The following SGK1 variants were observed in gnomAD, a reference collection of about 807,000 sequenced individuals.
SGK1 encodes serine/threonine-protein kinase Sgk1.
SGK1 carries 26 observed loss-of-function variants against 64.2 expected under a neutral mutation model. That is an observed-to-expected ratio of 0.40 (90% CI 0.30 to 0.56). SGK1 has a LOEUF of 0.56. Among genes scored for constraint, SGK1 ranks in the 20% least tolerant of loss-of-function variants. The pLI is 0.38. For synonymous variants in SGK1, 265 were observed against 239.7 expected (o/e 1.11, Z -0.98); for missense variants, 519 against 645.6 (o/e 0.80, Z 2.12).
chr6:134,173,818 G>A (rs1775117388), intron 5 of SGK1, 187 bp downstream of exon 5: 1 of 583,526 alleles, frequency 1.7e-6, no homozygotes, highest in South Asian at 2.4e-5. Flanking sequence ...GGTAAAATAT[G>A]CCCAGGAAAA....
chr6:134,210,160 A>G (rs1775864920), intron 2 of SGK1, among the ~76,000 whole-genome samples: 3 of 152,338 alleles, frequency 2.0e-5, no homozygotes, highest in South Asian at 2.1e-4. Context: ...AGCAACCTAA[A>G]TGTCTACTGA....
intron 4 of SGK1, 112 bp downstream of exon 4, chr6:134,174,399 A>AT (rs1452726487): frequency 1.4e-6 from 1 of 713,270 alleles, no homozygotes; most frequent in Admixed American, 2.7e-5. Flanking sequence ...GAGAAATGAG[A>AT]TCCCCACCCC....
chr6:134,264,281 G>A (rs924141293), intron 1 of SGK1, among the ~76,000 whole-genome samples: 2 of 151,830 alleles, frequency 1.3e-5, no homozygotes, highest in Non-Finnish European at 2.9e-5. Flanking sequence ...CACCATGCCT[G>A]GCTAATTTTT....
chr6:134,214,756 G>C (rs564247387), intron 2 of SGK1, among the ~76,000 whole-genome samples: 1 of 152,238 alleles, frequency 6.6e-6, no homozygotes, highest in South Asian at 2.1e-4. Context: ...GTGGACCTTG[G>C]CTTCACTTGT....
At chr6:134,269,654 T>A (rs1776909975) in intron 1 of SGK1, among the ~76,000 whole-genome samples, 1 of 141,140 alleles carries the variant, frequency 7.1e-6, no homozygotes, top group African/African-American at 2.5e-5. Context: ...TGAGACTCTG[T>A]CTCAAAAAAA....
In SGK1 at chr6:134,262,099, C is replaced by T; in HGVS notation, c.119G>A (p.Ser40Asn). The T allele has an allele frequency of 1.9e-6, 3 of 1,611,894 alleles. No individual in the cohort carries two copies. The highest frequency in any genetic ancestry group is 2.5e-6 in the Non-Finnish European group (3 of 1,178,184). ...SPMVSVDKHQ[S>N]PSLKYTGSSM... ...GGAGCCGGTGTACTTCAGGCTGGGA[C>T]TCTGATGCTTGTCCACACTGACCAT... Residue 40 changes from serine (S) to asparagine (N), a missense_variant, in exon 2 of 14, where the codon AGT (serine) becomes AAT (asparagine). Ser to Asn is a conservative substitution (Grantham distance 46, BLOSUM62 1). Coordinates refer to ENST00000367858, the MANE Select transcript of SGK1 (RefSeq NM_001143676.3).
At chr6:134,253,152 A>G (rs1039071438) in intron 2 of SGK1, among the ~76,000 whole-genome samples, 1 of 152,220 alleles carries the variant, frequency 6.6e-6, no homozygotes, top group Admixed American at 6.5e-5. Flanking sequence ...AGCCTAACAG[A>G]TGGAGTAAGA....
intron 2 of SGK1, among the ~76,000 whole-genome samples, chr6:134,214,592 AAT>A (rs1260561571): frequency 5.3e-5 from 6 of 112,892 alleles, no homozygotes; most frequent in Admixed American, 9.4e-5. Flanking sequence ...AAAAAAAAAA[AAT>A]TAATGAAAGT....
At chr6:134,174,469 TCA>T in intron 4 of SGK1, 40 bp downstream of exon 4, 1 of 1,476,294 alleles carries the variant, frequency 6.8e-7, no homozygotes, top group Non-Finnish European at 9.4e-7. Context: ...GCTGGCAAAT[TCA>T]AACTATACTA....
At chr6:134,213,624 AAATAAATAAATAAATAAAT>A (rs1455934845) in intron 2 of SGK1, among the ~76,000 whole-genome samples, 7,899 of 135,526 alleles carry the variant, frequency 0.058, 419 homozygotes, top group Non-Finnish European at 0.078. Flanking sequence ...CAAAATAAAT[AAATAAATAAATAAATAAAT>A]AATAAATAAA....
chr6:134,262,066 A>C lies in SGK1; in HGVS notation c.152T>G (p.Val51Gly), dbSNP rs1475087130. The change falls in exon 2 of 14, where the codon GTG becomes GGG. Residue 51 changes from valine (V) to glycine (G), a missense_variant. By Grantham distance (109) the Val-to-Gly change is moderately radical. Around this residue, in one of 2 missense-constraint regions of SGK1, gnomAD observed 241 missense variants for 236.9 expected, o/e 1.02. Coordinates refer to ENST00000367858, the MANE Select transcript of SGK1 (RefSeq NM_001143676.3). ...PSLKYTGSSMVHIPPGEPDFE... is the reference protein window; with the variant it reads ...PSLKYTGSSMGHIPPGEPDFE... Reference sequence around the variant, plus strand: ...GTCTGGCTCCCCTGGAGGGATGTGCACCATGGAGGAGCCGGTGTACTTCAG... The same window carrying C: ...GTCTGGCTCCCCTGGAGGGATGTGCCCCATGGAGGAGCCGGTGTACTTCAG... 1 of 1,613,782 alleles carries C rather than the reference A, an allele frequency of 6.2e-7. No homozygotes were observed.
chr6:134,204,983 CTT>C (rs965495948), intron 3 of SGK1, among the ~76,000 whole-genome samples: 1 of 146,134 alleles, frequency 6.8e-6, no homozygotes, highest in Non-Finnish European at 1.5e-5. Flanking sequence ...TTCTTTCTTT[CTT>C]TCTTTCTCTG....
intron 1 of SGK1, among the ~76,000 whole-genome samples, chr6:134,295,571 G>A (rs187014365): frequency 1.3e-5 from 2 of 152,208 alleles, no homozygotes; most frequent in Non-Finnish European, 2.9e-5. Flanking sequence ...GGGCATGGTG[G>A]TGCGTGCCTG....
At chr6:134,313,915 A>G (rs1327903727) in intron 1 of SGK1, among the ~76,000 whole-genome samples, 1 of 152,216 alleles carries the variant, frequency 6.6e-6, no homozygotes, top group Non-Finnish European at 1.5e-5. Context: ...GATTACCTTT[A>G]GCTGGACTGA....
chr6:134,235,055 A>G (rs1776341779), intron 2 of SGK1, among the ~76,000 whole-genome samples: 1 of 152,238 alleles, frequency 6.6e-6, no homozygotes, highest in Non-Finnish European at 1.5e-5. Context: ...CAGTCTATGA[A>G]TTTATAGAGA....
chr6:134,267,658 A>G (rs1212513465), intron 1 of SGK1, among the ~76,000 whole-genome samples: 1 of 152,160 alleles, frequency 6.6e-6, no homozygotes, highest in Non-Finnish European at 1.5e-5. Flanking sequence ...AGTAAGAAGG[A>G]AAATAAAGCA....
At chr6:134,223,043 T>C (rs1258692455) in intron 2 of SGK1, among the ~76,000 whole-genome samples, 2 of 152,100 alleles carry the variant, frequency 1.3e-5, no homozygotes, top group African/African-American at 4.8e-5. Flanking sequence ...AGAACCCAAA[T>C]ATAGCTATTT....
chr6:134,177,242 A>C (rs968152098), intron 3 of SGK1, among the ~76,000 whole-genome samples: 1 of 151,940 alleles, frequency 6.6e-6, no homozygotes, highest in African/African-American at 2.4e-5. Flanking sequence ...AAACAAAACA[A>C]AAACAAAAAC....
chr6:134,239,005 G>C (rs1776404950), intron 2 of SGK1, among the ~76,000 whole-genome samples: 1 of 152,230 alleles, frequency 6.6e-6, no homozygotes, highest in African/African-American at 2.4e-5. Context: ...AATTGAAGAT[G>C]AAAATGGTCA....
Sources: allele counts gnomAD v4.1 joint callset (sites outside exome capture counted in the v4.1 genomes callset), GRCh38; gene constraint gnomAD v4.1.1; regional missense constraint gnomAD v4.1.1; transcripts MANE v1.5; gene names NCBI Gene and HGNC (gene_info 2026-07-23, HGNC 2026-07-21).